Variants in ZSWIM8 observed in about 807,000 individuals in gnomAD.
ZSWIM8 encodes zinc finger SWIM-type containing 8, also known as zinc finger SWIM domain-containing protein 8.
In ZSWIM8, 27 loss-of-function variants were observed where a neutral mutation model predicts 173.7. The observed-to-expected ratio is 0.16, with a 90% CI of 0.11 to 0.21. ZSWIM8 has a LOEUF of 0.21. ZSWIM8 is among the 10% of genes least tolerant of loss of function. ZSWIM8 has a pLI of 1.00. For missense variants in ZSWIM8, 1,627 were observed against 2,428.8 expected (o/e 0.67, Z 6.94); for synonymous variants, 958 against 962.0 (o/e 1.00, Z 0.08).
In ZSWIM8 at chr10:73,796,848, C is replaced by T; in HGVS notation, c.3108C>T (p.Ser1036=). ...PQTLSSFYSS[S]RPTTASQRSP... Reference sequence around the variant, plus strand: ...CGCTGAGTTCTTTCTACTCATCTAGCCGCCCAACCACAGCCAGCCAGAGGT... The same window carrying T: ...CGCTGAGTTCTTTCTACTCATCTAGTCGCCCAACCACAGCCAGCCAGAGGT... Residue 1036 remains serine (S), a synonymous_variant, in exon 16 of 26, where the codon AGC becomes AGT. Transcript: ENST00000604729. 1 of 1,614,074 alleles carries T rather than the reference C, an allele frequency of 6.2e-7. No individual in the cohort carries two copies. Among genetic ancestry groups the T allele is most frequent in the Non-Finnish European group, 8.5e-7 (1 of 1,179,908 alleles).
intron 14 of ZSWIM8, chr10:73,794,887 T>C (rs962451863): frequency 3.9e-6 from 1 of 254,840 alleles, no homozygotes; most frequent in African/African-American, 2.6e-5. Context: ...CAGGAGTTCA[T>C]GACCAGCCTG....
Position 73,791,968 on chromosome 10 carries a change from C to T in ZSWIM8, c.1429C>T (p.Pro477Ser), listed in dbSNP as rs2083432848. 1 of 1,551,170 alleles carries T rather than the reference C, an allele frequency of 6.4e-7. No homozygotes were observed. The highest frequency in any genetic ancestry group is 8.7e-7 in the Non-Finnish European group (1 of 1,146,866). Residue 477 changes from proline to serine, a missense_variant, in exon 10 of 26, where the codon CCA (proline) becomes TCA (serine). By Grantham distance (74) the Pro-to-Ser change is moderately conservative. Transcript: ENST00000604729. The surrounding 1 kb of genome is among the most constrained non-coding windows in gnomAD (Gnocchi z 6.0). ...GGAGCGGCTCTTCCCCGGCTTCCGG[C>T]CAGCGGTGGAGGCCTGCTACTTCAA... The part of the protein sequence containing the change: ...TLERLFPGFR[P>S]AVEACYFNWE...
Position 73,800,772 on chromosome 10 carries a change from C to T in ZSWIM8, c.5122+13C>T. 6.3e-7 allele frequency: 1 copy of T among 1,598,790 alleles called. No individual in the cohort carries two copies. The highest frequency in any genetic ancestry group is 8.5e-7 in the Non-Finnish European group (1 of 1,170,252). ...GCAGCAAAGCTGGGTAACACCTCCC[C>T]TCCCTAGGACCATTGCCCCCCCCCC... On this transcript the variant is annotated intron_variant, in intron 24 of 25. Transcript: ENST00000604729. The surrounding 1 kb of genome is among the most constrained non-coding windows in gnomAD (Gnocchi z 4.1).
chr10:73,801,566 T>C lies in ZSWIM8; in HGVS notation c.*47T>C. ...ATACAGGGACCCAGGCCTGTGGCTA[T>C]GGGGGCCCCTCACACAGGGGGAGTG... On this transcript the variant is annotated 3_prime_UTR_variant, in exon 26 of 26. Coordinates refer to ENST00000604729, the MANE Select transcript of ZSWIM8 (RefSeq NM_001367799.1). This position sits in a 1 kb window ranked among gnomAD's most constrained non-coding sequence, Gnocchi z 4.9. The C allele has an allele frequency of 1.9e-6, 3 of 1,599,698 alleles. No homozygotes were observed. The highest frequency in any genetic ancestry group is 2.6e-6 in the Non-Finnish European group (3 of 1,174,502).
Position 73,800,021 on chromosome 10 carries a change from C to T in ZSWIM8, c.4676C>T (p.Pro1559Leu). 6.2e-7 allele frequency: 1 copy of T among 1,613,404 alleles called. No homozygotes were observed. The highest frequency in any genetic ancestry group is 1.7e-4 in the Middle Eastern group (1 of 6,060). ...TCTCCCTGCCCCTAGGGTGTGCATC[C>T]TGCATTCCTAGGGGCTCAGTACCCT... ...PSSAYPQGVH[P>L]AFLGAQYPYS... Residue 1559 changes from proline to leucine, a missense_variant, in exon 22 of 26, where the codon CCT becomes CTT. Coordinates refer to ENST00000604729, the MANE Select transcript of ZSWIM8 (RefSeq NM_001367799.1). This position sits in a 1 kb window ranked among gnomAD's most constrained non-coding sequence, Gnocchi z 4.1.
Position 73,799,475 on chromosome 10 carries a change from C to T in ZSWIM8, c.4650C>T (p.Ser1550=). Residue 1550 remains serine, a synonymous_variant, in exon 21 of 26, where the codon AGC becomes AGT. Transcript: ENST00000604729. Reference sequence around the variant, plus strand: ...GGCCTGCCGTCTTCCCTGTGCCCAGCTCTGCATACCCACAGGTGAGACCAG... The same window carrying T: ...GGCCTGCCGTCTTCCCTGTGCCCAGTTCTGCATACCCACAGGTGAGACCAG... The part of the protein sequence containing the change: ...MPRPAVFPVP[S]SAYPQGVHPA... 6.3e-7 allele frequency: 1 copy of T among 1,598,920 alleles called. No homozygotes were observed. The highest frequency in any genetic ancestry group is 8.5e-7 in the Non-Finnish European group (1 of 1,172,482).
In ZSWIM8 at chr10:73,786,204, G is replaced by C. The variant is rs553499850; in HGVS notation, c.208+118G>C. On this transcript the variant is annotated intron_variant, in intron 1 of 25. Transcript: ENST00000604729. ...CTCTCTTCAACCAGGGGAAGAAAGG[G>C]GAGCTGTCCCCGGCCGGGAGCTGTC... 5.1e-6 allele frequency: 6 copies of C among 1,181,678 alleles called. No homozygotes were observed. In the Admixed American group the frequency reaches 1.9e-4, roughly 37 times the overall value. The allele number at this position is 1,181,678 out of a possible 1,614,324, so 73.2% of individuals were successfully genotyped here.
rs768435079 is a variant in ZSWIM8 at position 73,790,055 on chromosome 10, G to A, written c.820+18G>A. The A allele has an allele frequency of 6.2e-7, 1 of 1,610,014 alleles. No individual in the cohort carries two copies. The highest frequency in any genetic ancestry group is 8.5e-7 in the Non-Finnish European group (1 of 1,178,194). ...AGCTCCGGGTGAGTGTGGTGAGAAA[G>A]ATTGGCAGTAGGAAGAAAGCCAGCT... On this transcript the variant is annotated intron_variant, in intron 6 of 25. Transcript: ENST00000604729.
chr10:73,788,313 A>G (rs2083294967), intron 1 of ZSWIM8, among the ~76,000 whole-genome samples: 2 of 152,218 alleles, frequency 1.3e-5, no homozygotes, highest in South Asian at 4.2e-4. Flanking sequence ...TTTGAATTTA[A>G]AATGCTCATG....
Position 73,797,947 on chromosome 10 carries a change from G to A in ZSWIM8, c.3829G>A (p.Gly1277Ser). 1 of 1,613,968 alleles carries A rather than the reference G, an allele frequency of 6.2e-7. No homozygotes were observed. The highest frequency in any genetic ancestry group is 8.5e-7 in the Non-Finnish European group (1 of 1,179,882). ...THPSSSGGHQ[G>S]PHRNLHLCAF... ...TCCATCTTCCTCAGGGGGCCACCAG[G>A]GTCCTCACCGCAACCTGCACCTTTG... The change falls in exon 19 of 26, where the codon GGT (glycine) becomes AGT (serine). Residue 1277 changes from glycine to serine, a missense_variant. Transcript: ENST00000604729. This position sits in a 1 kb window ranked among gnomAD's most constrained non-coding sequence, Gnocchi z 5.6.
rs748400570 is a variant in ZSWIM8 at position 73,797,125 on chromosome 10, A to G, written c.3287A>G (p.His1096Arg). ...TEKNVPESSP[H>R]SPCEGLPSEA... Reference sequence around the variant, plus strand: ...TTTCCTCACCTAGAGAGTTCCCCACATTCCCCCTGTGAGGGTCTTCCATCT... The same window carrying G: ...TTTCCTCACCTAGAGAGTTCCCCACGTTCCCCCTGTGAGGGTCTTCCATCT... The change falls in exon 17 of 26, where the codon CAT becomes CGT. Residue 1096 changes from histidine (H) to arginine (R), a missense_variant. Physicochemically the swap from His to Arg is conservative, Grantham distance 29. Coordinates refer to ENST00000604729, the MANE Select transcript of ZSWIM8 (RefSeq NM_001367799.1). The surrounding 1 kb of genome is among the most constrained non-coding windows in gnomAD (Gnocchi z 5.6). 5.0e-6 allele frequency: 8 copies of G among 1,613,422 alleles called. No individual in the cohort carries two copies. The highest frequency in any genetic ancestry group is 2.2e-5 in the East Asian group (1 of 44,876).
In ZSWIM8 at chr10:73,791,739, C is replaced by A; in HGVS notation, c.1320-120C>A. On this transcript the variant is annotated intron_variant, in intron 9 of 25. Coordinates refer to ENST00000604729, the MANE Select transcript of ZSWIM8 (RefSeq NM_001367799.1). The surrounding 1 kb of genome is among the most constrained non-coding windows in gnomAD (Gnocchi z 6.0). ...CAGTGTTTCAGTGATGCTTATGGGG[C>A]TGGGTCAAGAAGTACTTTCCTGTAT... The A allele has an allele frequency of 1.5e-6, 2 of 1,356,852 alleles. No individual in the cohort carries two copies. The highest frequency in any genetic ancestry group is 2.0e-6 in the Non-Finnish European group (2 of 1,022,606). The allele number at this position is 1,356,852 out of a possible 1,614,324, so 84.1% of individuals were successfully genotyped here. A position where few individuals can be genotyped will look rare whatever the true frequency, so the allele number is the denominator to read the frequency against.
chr10:73,798,152 C>T, intron 19 of ZSWIM8, 78 bp from the exon 20 acceptor site: 18 of 1,592,470 alleles, frequency 1.1e-5, no homozygotes, highest in Non-Finnish European at 1.5e-5. Context: ...GGTTACTGAT[C>T]TGATAAAAAG....
intron 20 of ZSWIM8, 66 bp downstream of exon 20, chr10:73,798,519 A>G (rs765549214): frequency 1.7e-5 from 24 of 1,425,446 alleles, no homozygotes; most frequent in Non-Finnish European, 2.3e-5. Flanking sequence ...GGCATGGGAA[A>G]GCTAAGGGCC....
At position 73,800,626 on chromosome 10, in the gene ZSWIM8, T is replaced by TATCTA; in HGVS notation, c.5003-13_5003-9dup. The TATCTA allele has an allele frequency of 6.3e-7, 1 of 1,579,646 alleles. No individual in the cohort carries two copies. The highest frequency in any genetic ancestry group is 2.3e-5 in the East Asian group (1 of 43,768). ...ATACACCGTACCATGTGCCCACCCT[T>TATCTA]ATCTATCTCCCAGGAATGCTGGCAC... On this transcript the variant is annotated splice_polypyrimidine_tract_variant and intron_variant, in intron 23 of 25. Transcript: ENST00000604729. The surrounding 1 kb of genome is among the most constrained non-coding windows in gnomAD (Gnocchi z 4.1).
intron 1 of ZSWIM8, chr10:73,786,361 CGCG>C (rs1289217531): frequency 2.2e-4 from 83 of 380,990 alleles, no homozygotes; most frequent in Non-Finnish European, 3.5e-4. Context: ...CGCGCGCGTG[CGCG>C]CGCTGTGACA....
rs768783805 is a variant in ZSWIM8 at position 73,797,119 on chromosome 10, C to A, written c.3281C>A (p.Ser1094Tyr). 1.9e-6 allele frequency: 3 copies of A among 1,613,472 alleles called. No individual in the cohort carries two copies. The highest frequency in any genetic ancestry group is 3.3e-5 in the Admixed American group (2 of 59,892). The part of the protein sequence containing the change: ...GFTEKNVPES[S>Y]PHSPCEGLPS... ...TCCTGTTTTCCTCACCTAGAGAGTT[C>A]CCCACATTCCCCCTGTGAGGGTCTT... Residue 1094 changes from serine (S) to tyrosine (Y), a missense_variant, in exon 17 of 26, where the codon TCC becomes TAC. Ser to Tyr is a moderately radical substitution (Grantham distance 144). This residue lies in a region of ZSWIM8 where 163 missense variants were observed against 193.2 expected (regional missense o/e 0.84). Coordinates refer to ENST00000604729, the MANE Select transcript of ZSWIM8 (RefSeq NM_001367799.1). The surrounding 1 kb of genome is among the most constrained non-coding windows in gnomAD (Gnocchi z 5.6).
chr10:73,793,419 G>A (rs1004510933), intron 10 of ZSWIM8, among the ~76,000 whole-genome samples, 169 bp from the exon 11 acceptor site: 6 of 152,286 alleles, frequency 3.9e-5, no homozygotes, highest in Admixed American at 6.5e-5. Flanking sequence ...CTGGCATCAC[G>A]GTGGCATGTG....
At chr10:73,795,811 T>C in intron 15 of ZSWIM8, 148 bp downstream of exon 15, 2 of 890,444 alleles carry the variant, frequency 2.2e-6, no homozygotes, top group Admixed American at 5.9e-5. Context: ...ATACAAAAAA[T>C]TAGCAGCTGG....
Sources: gnomAD v4.1 joint callset for allele counts (sites outside exome capture counted in the v4.1 genomes callset) on GRCh38, gnomAD v4.1.1 for gene constraint, gnomAD v4.1.1 regional missense constraint, Gnocchi (gnomAD v3.1) non-coding constraint, MANE v1.5 for transcripts, NCBI Gene and HGNC (gene_info 2026-07-23, HGNC 2026-07-21) for gene names.